The following MKLN1 variants were observed in gnomAD, a reference collection of about 807,000 sequenced individuals.
MKLN1 encodes the protein muskelin 1.
Under a neutral mutation model 99.0 loss-of-function variants are expected in MKLN1, and 18 were observed. The ratio of observed to expected loss-of-function variants is 0.18; its 90% confidence interval spans 0.13 to 0.27. The LOEUF is 0.27. Among genes scored for constraint, MKLN1 ranks in the 10% least tolerant of loss-of-function variants. The pLI is 1.00. For synonymous variants in MKLN1, 288 were observed against 293.2 expected (o/e 0.98, Z 0.18); for missense variants, 621 against 875.9 (o/e 0.71, Z 3.67).
In MKLN1 at chr7:131,230,956, A is replaced by G. The variant is rs1797232364; in HGVS notation, c.-179+27982A>G. Among the ~76,000 whole-genome samples the G allele has an allele frequency of 2.0e-5, 3 of 151,880 alleles. No individual in the cohort carries two copies. In the South Asian group the frequency reaches 6.2e-4, roughly 32 times the overall value. ...GCCAACATGGTGAAACCCCGTCTCTACTAAAAATACAGAAGTTAGCTGGGC... is the reference window on the plus strand; with the variant it reads ...GCCAACATGGTGAAACCCCGTCTCTGCTAAAAATACAGAAGTTAGCTGGGC... On this transcript the variant is annotated intron_variant, in intron 3 of 7. Transcript: ENST00000416992.
chr7:131,112,793 A>G (rs998572035), intron 1 of MKLN1, among the ~76,000 whole-genome samples: 1 of 152,178 alleles, frequency 6.6e-6, no homozygotes, highest in Non-Finnish European at 1.5e-5. Flanking sequence ...AAAATAATCA[A>G]CTGAATCCTC....
chr7:131,268,838 A>T (rs1237934771), intron 3 of MKLN1, among the ~76,000 whole-genome samples: 1 of 152,222 alleles, frequency 6.6e-6, no homozygotes, highest in East Asian at 1.9e-4. Context: ...AGATGTGGAA[A>T]ATAAATATGC....
intron 12 of MKLN1, among the ~76,000 whole-genome samples, chr7:131,461,119 T>G (rs1796501576): frequency 1.3e-5 from 2 of 152,080 alleles, no homozygotes. Context: ...TTCCCTCCTA[T>G]ACTTTAAGTC....
At chr7:131,167,750 T>C (rs1350019357) in intron 2 of MKLN1, among the ~76,000 whole-genome samples, 1 of 151,572 alleles carries the variant, frequency 6.6e-6, no homozygotes, top group African/African-American at 2.4e-5. Flanking sequence ...TATCAAGAAA[T>C]TGGAAAGATT....
chr7:131,435,204 TA>T (rs924838554), intron 9 of MKLN1, among the ~76,000 whole-genome samples: 2 of 152,224 alleles, frequency 1.3e-5, no homozygotes, highest in African/African-American at 4.8e-5. Flanking sequence ...ATTCCTGGGA[TA>T]AATACCTTTT....
chr7:131,121,989 T>C (rs952372260), intron 1 of MKLN1, among the ~76,000 whole-genome samples: 2 of 152,182 alleles, frequency 1.3e-5, no homozygotes, highest in Non-Finnish European at 2.9e-5. Context: ...AAGAGAAGAA[T>C]CTGTTAAGGA....
chr7:131,374,448 T>C (rs78691662), intron 1 of MKLN1, among the ~76,000 whole-genome samples: 3,220 of 152,262 alleles, frequency 0.021, 110 homozygotes, highest in African/African-American at 0.073. Context: ...TAATCCAGTA[T>C]CACAGGGTTC....
intron 1 of MKLN1, among the ~76,000 whole-genome samples, chr7:131,368,003 C>G (rs1340475882): frequency 6.6e-6 from 1 of 152,036 alleles, no homozygotes; most frequent in Non-Finnish European, 1.5e-5. Flanking sequence ...CTATATATAC[C>G]ACTAGTGATG....
chr7:131,158,432 TCAAA>T (rs148403408), intron 2 of MKLN1, among the ~76,000 whole-genome samples: 29 of 152,068 alleles, frequency 1.9e-4, no homozygotes, highest in South Asian at 1.0e-3. Context: ...AAACTCCATC[TCAAA>T]CAAACAAACA....
intron 3 of MKLN1, among the ~76,000 whole-genome samples, chr7:131,307,581 G>T (rs1798486313): frequency 6.6e-6 from 1 of 152,220 alleles, no homozygotes; most frequent in African/African-American, 2.4e-5. Flanking sequence ...TGCTCTGGAT[G>T]TGAGACATGG....
chr7:131,457,644 G>A (rs553694606), intron 12 of MKLN1, among the ~76,000 whole-genome samples: 4 of 152,280 alleles, frequency 2.6e-5, no homozygotes, highest in African/African-American at 7.2e-5. Flanking sequence ...GCCCGGGCAC[G>A]GGGGCTCACA....
intron 2 of MKLN1, among the ~76,000 whole-genome samples, chr7:131,196,734 CCTT>C (rs1796651285): frequency 6.6e-6 from 1 of 152,180 alleles, no homozygotes; most frequent in African/African-American, 2.4e-5. Flanking sequence ...CAGCTCTTCT[CCTT>C]CTAGCTTGCT....
chr7:131,327,728 G>C, upstream of MKLN1: 3 of 1,229,992 alleles, frequency 2.4e-6, no homozygotes, highest in Non-Finnish European at 3.3e-6. Flanking sequence ...AGCGAGCGAC[G>C]TGGGAAACCC....
At chr7:131,447,289 T>C (rs2116528061) in intron 12 of MKLN1, among the ~76,000 whole-genome samples, 1 of 152,376 alleles carries the variant, frequency 6.6e-6, no homozygotes, top group South Asian at 2.1e-4. Context: ...TTATTTACCC[T>C]ATCTAAAATT....
At chr7:131,205,792 C>CT (rs964524142) in intron 3 of MKLN1, among the ~76,000 whole-genome samples, 4 of 152,054 alleles carry the variant, frequency 2.6e-5, no homozygotes, top group Admixed American at 2.6e-4. Flanking sequence ...TTCTCATGCA[C>CT]TTTCCCCCAT....
chr7:131,362,314 T>C (rs75347632), intron 1 of MKLN1, among the ~76,000 whole-genome samples: 2,451 of 152,178 alleles, frequency 0.016, 47 homozygotes, highest in African/African-American at 0.053. Context: ...GGCCAGCATC[T>C]TACATGTGGT....
At chr7:131,420,033 A>G (rs1454352643) in intron 8 of MKLN1, among the ~76,000 whole-genome samples, 2 of 152,200 alleles carry the variant, frequency 1.3e-5, no homozygotes, top group African/African-American at 2.4e-5. Flanking sequence ...TGGTAGTAGT[A>G]ATGTTGAAAA....
At chr7:131,120,117 G>A (rs1380875531) in intron 1 of MKLN1, among the ~76,000 whole-genome samples, 1 of 139,336 alleles carries the variant, frequency 7.2e-6, no homozygotes, top group African/African-American at 2.7e-5. Context: ...CTTGCAATGA[G>A]CTGAGATCGT....
intron 3 of MKLN1, among the ~76,000 whole-genome samples, chr7:131,314,130 C>T (rs1277093616): frequency 6.6e-6 from 1 of 152,218 alleles, no homozygotes; most frequent in Non-Finnish European, 1.5e-5. Flanking sequence ...TGCCAGCCAT[C>T]ACATACACAA....
Sources: gnomAD v4.1 joint callset for allele counts (sites outside exome capture counted in the v4.1 genomes callset) on GRCh38, gnomAD v4.1.1 for gene constraint, MANE v1.5 for transcripts, NCBI Gene and HGNC (gene_info 2026-07-23, HGNC 2026-07-21) for gene names.